Variants in FBXL17 observed in about 807,000 individuals in gnomAD.
FBXL17 encodes the protein F-box and leucine rich repeat protein 17.
A neutral mutation model predicts 66.2 loss-of-function variants in FBXL17; 22 were observed. The observed-to-expected ratio is 0.33, with a 90% CI of 0.24 to 0.47. FBXL17 has a LOEUF of 0.47. Among genes scored for constraint, FBXL17 ranks in the 20% least tolerant of loss-of-function variants. The probability of loss-of-function intolerance (pLI) is 1.00; values close to 1 mark genes in which losing one functional copy is unlikely to be tolerated. For missense variants in FBXL17, 878 were observed against 948.2 expected (o/e 0.93, Z 0.97); for synonymous variants, 474 against 400.5 (o/e 1.18, Z -2.19).
At chr5:108,329,821 A>G (rs1290519382) in intron 4 of FBXL17, among the ~76,000 whole-genome samples, 2 of 152,152 alleles carry the variant, frequency 1.3e-5, no homozygotes, top group African/African-American at 4.8e-5. Flanking sequence ...AACACAGTAT[A>G]CAATATATGA....
chr5:108,346,095 C>T (rs570872992), intron 4 of FBXL17, among the ~76,000 whole-genome samples: 99 of 152,142 alleles, frequency 6.5e-4, no homozygotes, highest in South Asian at 1.9e-3. Flanking sequence ...TAAAAACATC[C>T]TAATTACTTA....
intron 6 of FBXL17, among the ~76,000 whole-genome samples, chr5:108,074,642 C>T (rs1454521238): frequency 6.6e-6 from 1 of 152,186 alleles, no homozygotes; most frequent in African/African-American, 2.4e-5. Flanking sequence ...AAAGGCACCA[C>T]TCACCTCTCT....
chr5:107,944,720 T>C (rs1320772159), intron 7 of FBXL17, among the ~76,000 whole-genome samples: 1 of 152,168 alleles, frequency 6.6e-6, no homozygotes. Context: ...GTTCATTCAA[T>C]TAAATCACAC....
At position 108,364,915 on chromosome 5, in the gene FBXL17, C is replaced by G. The variant is rs1748562842; in HGVS notation, c.1197G>C (p.Met399Ile). ...CTAAAACACATACGCCATTATCAGA[C>G]ATACTGCGACAATCAGAAATGTTGA... ...IEINISDCRS[M>I]SDNGVCVLAF... The change falls in exon 3 of 9, where the codon ATG (methionine) becomes ATC (isoleucine). Residue 399 changes from methionine to isoleucine, a missense_variant. Transcript: ENST00000542267. 1 of 1,612,606 alleles carries G rather than the reference C, an allele frequency of 6.2e-7. No individual in the cohort carries two copies. The highest frequency in any genetic ancestry group is 1.3e-5 in the African/African-American group (1 of 74,968).
chr5:108,332,941 C>CAAAAAAAAAAAAAAAAAAAAAAA (rs34218940), intron 4 of FBXL17, among the ~76,000 whole-genome samples: 27 of 34,762 alleles, frequency 7.8e-4, no homozygotes, highest in East Asian at 9.7e-4. Flanking sequence ...AAAGCAAAAG[C>CAAAAAAAAAAAAAAAAAAAAAAA]AAAAAAAAAA....
intron 4 of FBXL17, among the ~76,000 whole-genome samples, chr5:108,308,683 A>G (rs936623810): frequency 2.0e-5 from 3 of 152,188 alleles, no homozygotes; most frequent in Non-Finnish European, 4.4e-5. Context: ...TCAGAACAGA[A>G]TTAACTTTGG....
At chr5:108,195,594 A>G (rs1387957159) in intron 5 of FBXL17, among the ~76,000 whole-genome samples, 1 of 152,146 alleles carries the variant, frequency 6.6e-6, no homozygotes, top group Non-Finnish European at 1.5e-5. Context: ...TTTGAACAGG[A>G]GTGTACTATG....
At chr5:107,904,078 C>T (rs995061476) in intron 7 of FBXL17, among the ~76,000 whole-genome samples, 4 of 152,144 alleles carry the variant, frequency 2.6e-5, no homozygotes, top group Non-Finnish European at 5.9e-5. Context: ...TTAATGACTC[C>T]AAGCCTAGAT....
At chr5:108,078,891 G>A (rs925906281) in intron 6 of FBXL17, among the ~76,000 whole-genome samples, 1 of 152,154 alleles carries the variant, frequency 6.6e-6, no homozygotes, top group Non-Finnish European at 1.5e-5. Flanking sequence ...TAAACTGTAT[G>A]CCTTTTCTCT....
chr5:107,871,057 C>CAAAAAAAA (rs201752049), intron 8 of FBXL17, among the ~76,000 whole-genome samples: 10 of 65,890 alleles, frequency 1.5e-4, no homozygotes, highest in African/African-American at 4.5e-4. Context: ...TCTTGGGCGG[C>CAAAAAAAA]AAAAAAAAAA....
At chr5:108,348,963 C>T (rs1324261152) in intron 3 of FBXL17, among the ~76,000 whole-genome samples, 1 of 152,142 alleles carries the variant, frequency 6.6e-6, no homozygotes, top group Non-Finnish European at 1.5e-5. Context: ...TGCCACCACA[C>T]CTGGCTACTT....
At chr5:108,311,267 GT>G (rs1027179985) in intron 4 of FBXL17, among the ~76,000 whole-genome samples, 1 of 151,860 alleles carries the variant, frequency 6.6e-6, no homozygotes, top group Admixed American at 6.6e-5. Flanking sequence ...TGCCTCCTGG[GT>G]CCCAGCAATT....
rs192082276 is a variant in FBXL17, at chr5:108,358,073, T to C, written c.1374+6665A>G. On this transcript the variant is annotated intron_variant, in intron 3 of 8. Coordinates refer to ENST00000542267, the MANE Select transcript of FBXL17 (RefSeq NM_001163315.3). ...GAAATCACTTATTAGTTCAAATGGG[T>C]TTTTTGTGGTTTCTCTGGGGTTTTC... Among the ~76,000 whole-genome samples the C allele has an allele frequency of 6.6e-5, 10 of 152,186 alleles. No individual in the cohort carries two copies. In the East Asian group the frequency reaches 1.9e-3, roughly 29 times the overall value.
intron 4 of FBXL17, among the ~76,000 whole-genome samples, chr5:108,296,617 A>G (rs1457026949): frequency 6.6e-6 from 1 of 151,790 alleles, no homozygotes; most frequent in African/African-American, 2.4e-5. Flanking sequence ...AGGAATGGAG[A>G]GAAGTACCAG....
At position 108,342,901 on chromosome 5, in the gene FBXL17, C is replaced by T. The variant is rs186310666; in HGVS notation, c.1506+5498G>A. On this transcript the variant is annotated intron_variant, in intron 4 of 8. Transcript: ENST00000542267. ...TATGGTCTAAAGGTTTGTGTACCCC[C>T]AAAACCCATATGTTGAAATCCTAAC... Among the ~76,000 whole-genome samples the T allele has an allele frequency of 3.9e-5, 6 of 152,262 alleles. No homozygotes were observed. The East Asian group carries it at 9.6e-4, about 24-fold the overall frequency.
At chr5:108,205,538 G>A (rs1050666609) in intron 5 of FBXL17, among the ~76,000 whole-genome samples, 2 of 152,084 alleles carry the variant, frequency 1.3e-5, no homozygotes, top group African/African-American at 2.4e-5. Flanking sequence ...GTTTTGTCTT[G>A]AGTGTTTTCT....
At chr5:107,885,245 A>T (rs553065754) in intron 7 of FBXL17, among the ~76,000 whole-genome samples, 1 of 152,318 alleles carries the variant, frequency 6.6e-6, no homozygotes, top group East Asian at 1.9e-4. Context: ...ATTTTAAAAA[A>T]GGTACACAAA....
At chr5:108,320,838 A>T (rs1217630609) in intron 4 of FBXL17, among the ~76,000 whole-genome samples, 1 of 151,802 alleles carries the variant, frequency 6.6e-6, no homozygotes, top group Non-Finnish European at 1.5e-5. Context: ...GGTTTTCTTA[A>T]AACAAATTCG....
chr5:107,956,720 C>T (rs1412259136), intron 7 of FBXL17, among the ~76,000 whole-genome samples: 1 of 152,088 alleles, frequency 6.6e-6, no homozygotes, highest in African/African-American at 2.4e-5. Context: ...CTCAGAACAG[C>T]AGCCAATAAA....
Sources: gnomAD v4.1 joint callset for allele counts (sites outside exome capture counted in the v4.1 genomes callset) on GRCh38, gnomAD v4.1.1 for gene constraint, MANE v1.5 for transcripts, NCBI Gene and HGNC (gene_info 2026-07-23, HGNC 2026-07-21) for gene names.